The following RBFOX3 variants were observed in gnomAD, a reference collection of about 807,000 sequenced individuals.
RBFOX3 encodes RNA binding fox-1 homolog 3.
RBFOX3 carries 17 observed loss-of-function variants against 48.7 expected under a neutral mutation model. That is an observed-to-expected ratio of 0.35 (90% confidence interval 0.24 to 0.52). RBFOX3 has a LOEUF of 0.52. RBFOX3 is among the 20% of genes least tolerant of loss of function. The probability of loss-of-function intolerance (pLI) is 0.94; values close to 1 mark genes in which losing one functional copy is unlikely to be tolerated. For missense variants in RBFOX3, 382 were observed against 497.5 expected (o/e 0.77, Z 2.21); for synonymous variants, 212 against 209.5 (o/e 1.01, Z -0.10).
chr17:79,446,180 G>A (rs574260959), intron 2 of RBFOX3, among the ~76,000 whole-genome samples: 5 of 152,272 alleles, frequency 3.3e-5, no homozygotes, highest in Admixed American at 6.5e-5. Flanking sequence ...CTGAGAGCAC[G>A]CTGGCCCTAG....
At chr17:79,301,287 C>T (rs1024369490) in intron 3 of RBFOX3, among the ~76,000 whole-genome samples, 6 of 152,204 alleles carry the variant, frequency 3.9e-5, no homozygotes, top group East Asian at 3.8e-4. Context: ...TCTGGGGCTG[C>T]GAGTTGTCCA....
At chr17:79,653,924 C>G in the RBFOX3 span, among the ~76,000 whole-genome samples, 1 of 138,034 alleles carries the variant, frequency 7.2e-6, no homozygotes, top group East Asian at 2.2e-4. Flanking sequence ...TTTTTAAAAA[C>G]TCATAAAAAT....
rs1282969809 is a variant in RBFOX3 at position 79,252,597 on chromosome 17, C to T, written c.-73-16792G>A. 6.6e-6 allele frequency among the ~76,000 whole-genome samples: 1 copy of T among 152,218 alleles called. No individual in the cohort carries two copies. On this transcript the variant is annotated intron_variant, in intron 3 of 14. Transcript: ENST00000693108. The surrounding 1 kb of genome is among the most constrained non-coding windows in gnomAD (Gnocchi z 4.0). ...GTTCCTCGATGGTAAACCAGTGAGG[C>T]TCCTTCCTGACTTCTGCCTTCCAGA... is the stretch of plus-strand genomic sequence containing the variant.
At chr17:79,620,857 G>T in the RBFOX3 span, among the ~76,000 whole-genome samples, 1 of 152,160 alleles carries the variant, frequency 6.6e-6, no homozygotes, top group Admixed American at 6.5e-5. Flanking sequence ...CTGCCCTTGG[G>T]ACCCAGGCTG....
At chr17:79,451,306 TG>T (rs1358270209) in intron 2 of RBFOX3, among the ~76,000 whole-genome samples, 2 of 152,210 alleles carry the variant, frequency 1.3e-5, no homozygotes, top group Non-Finnish European at 2.9e-5. Flanking sequence ...CAGTCAACCC[TG>T]AACCCCCGGG....
chr17:79,126,847 C>T (rs2037438502), intron 4 of RBFOX3, among the ~76,000 whole-genome samples: 1 of 152,202 alleles, frequency 6.6e-6, no homozygotes, highest in African/African-American at 2.4e-5. Context: ...CTTCAGTCCA[C>T]CTCAGAACAG....
At chr17:79,192,076 C>A (rs1366297181) in intron 4 of RBFOX3, among the ~76,000 whole-genome samples, 1 of 152,140 alleles carries the variant, frequency 6.6e-6, no homozygotes, top group Non-Finnish European at 1.5e-5. Context: ...CCCCTGCCAA[C>A]CCCCTACCGT....
At chr17:79,157,340 C>T (rs1037002303) in intron 4 of RBFOX3, among the ~76,000 whole-genome samples, 15 of 152,302 alleles carry the variant, frequency 9.8e-5, no homozygotes, top group Non-Finnish European at 1.9e-4. Flanking sequence ...ATCCCCTCTG[C>T]GGAGAGCCCA....
intron 2 of RBFOX3, among the ~76,000 whole-genome samples, chr17:79,408,386 C>G (rs1474186777): frequency 1.3e-5 from 2 of 152,320 alleles, no homozygotes; most frequent in East Asian, 3.9e-4. Flanking sequence ...GGGGCAGAAT[C>G]AGCCGAAGAA....
chr17:79,104,964 A>G (rs543857606), intron 6 of RBFOX3, among the ~76,000 whole-genome samples: 4 of 36,688 alleles, frequency 1.1e-4, no homozygotes, highest in African/African-American at 3.4e-4. Context: ...ATGACGCTCT[A>G]GCTGCCTTCT....
the RBFOX3 span, among the ~76,000 whole-genome samples, chr17:79,661,330 T>C: frequency 2.0e-5 from 3 of 152,258 alleles, no homozygotes; most frequent in African/African-American, 7.2e-5. Flanking sequence ...GATTTCCATC[T>C]TGCCCATTTC....
chr17:79,389,088 A>G (rs1292613149), intron 2 of RBFOX3, among the ~76,000 whole-genome samples: 3 of 148,658 alleles, frequency 2.0e-5, no homozygotes, highest in Non-Finnish European at 4.4e-5. Context: ...GGAGGGACGA[A>G]GCGGTGGGCG....
chr17:79,452,609 C>T (rs1598754755), intron 2 of RBFOX3, among the ~76,000 whole-genome samples: 1 of 152,080 alleles, frequency 6.6e-6, no homozygotes, highest in Non-Finnish European at 1.5e-5. Flanking sequence ...TTAGGGCCAT[C>T]AGGGGAGAAT....
chr17:79,314,519 A>C (rs559151563), intron 2 of RBFOX3, among the ~76,000 whole-genome samples: 1 of 152,356 alleles, frequency 6.6e-6, no homozygotes, highest in African/African-American at 2.4e-5. Flanking sequence ...ACAGCCACCA[A>C]GACTCTCACT....
At chr17:79,417,127 T>C (rs1555719568) in intron 2 of RBFOX3, among the ~76,000 whole-genome samples, 1 of 152,156 alleles carries the variant, frequency 6.6e-6, no homozygotes, top group African/African-American at 2.4e-5. Flanking sequence ...TCTGCCAGGA[T>C]GGCAGGAAAG....
intron 4 of RBFOX3, among the ~76,000 whole-genome samples, chr17:79,131,866 C>T (rs1419716495): frequency 1.3e-5 from 2 of 152,228 alleles, no homozygotes; most frequent in East Asian, 1.9e-4. Flanking sequence ...GACTCAGTCC[C>T]TCCCTGCTCA....
At chr17:79,387,216 C>G (rs1418849333) in intron 2 of RBFOX3, among the ~76,000 whole-genome samples, 1 of 152,198 alleles carries the variant, frequency 6.6e-6, no homozygotes, top group Non-Finnish European at 1.5e-5. Context: ...CACTGCGTGA[C>G]TTCAGTAATT....
intron 3 of RBFOX3, among the ~76,000 whole-genome samples, chr17:79,257,617 G>A (rs1442010627): frequency 6.6e-6 from 1 of 152,122 alleles, no homozygotes; most frequent in Admixed American, 6.5e-5. Context: ...GTCTTGCTCT[G>A]TTACCCAGGA....
intron 2 of RBFOX3, among the ~76,000 whole-genome samples, chr17:79,358,388 C>T (rs931287978): frequency 6.6e-6 from 1 of 152,220 alleles, no homozygotes; most frequent in African/African-American, 2.4e-5. Context: ...ACTGCCCTCC[C>T]TTCTGACTCA....
Sources: gnomAD v4.1 joint callset for allele counts (sites outside exome capture counted in the v4.1 genomes callset) on GRCh38, gnomAD v4.1.1 for gene constraint, Gnocchi (gnomAD v3.1) non-coding constraint, MANE v1.5 for transcripts, NCBI Gene and HGNC (gene_info 2026-07-23, HGNC 2026-07-21) for gene names.